Variants in MET observed in about 807,000 individuals in gnomAD.
MET encodes MET proto-oncogene, receptor tyrosine kinase.
In MET, 48 loss-of-function variants were observed where a neutral mutation model predicts 133.1. That is an observed-to-expected ratio of 0.36 (90% CI 0.29 to 0.46). The LOEUF is 0.46. MET is among the 20% of genes least tolerant of loss of function. The pLI is 1.00. For missense variants in MET, 1,442 were observed against 1,695.9 expected (o/e 0.85, Z 2.63); for synonymous variants, 628 against 616.5 (o/e 1.02, Z -0.28).
rs1203610182 is a variant in MET, at chr7:116,774,890, C to G, written c.3038C>G (p.Pro1013Arg). ...YRATFPEDQF[P>R]NSSQNGSCRQ... Reference sequence around the variant, plus strand: ...TTCCTTCATCTTACAGATCAGTTTCCTAATTCATCTCAGAACGGTTCATGC... The same window carrying G: ...TTCCTTCATCTTACAGATCAGTTTCGTAATTCATCTCAGAACGGTTCATGC... Residue 1013 changes from proline (P) to arginine (R), a missense_variant, in exon 15 of 21, where the codon CCT becomes CGT. This residue lies in a region of MET where 514 missense variants were observed against 659.6 expected (regional missense o/e 0.78). Coordinates refer to ENST00000397752, the MANE Select transcript of MET (RefSeq NM_000245.4). 1.2e-6 allele frequency: 2 copies of G among 1,613,890 alleles called. No individual in the cohort carries two copies. Among genetic ancestry groups the G allele is most frequent in the South Asian group, 1.1e-5 (1 of 91,074 alleles).
intron 2 of MET, among the ~76,000 whole-genome samples, chr7:116,715,157 C>T (rs1256720573): frequency 6.6e-6 from 1 of 152,216 alleles, no homozygotes; most frequent in African/African-American, 2.4e-5. Context: ...CAGTCTGTCA[C>T]ATGGTATGGT....
intron 5 of MET, among the ~76,000 whole-genome samples, chr7:116,743,917 A>G (rs1793558672): frequency 6.6e-6 from 1 of 152,214 alleles, no homozygotes; most frequent in Non-Finnish European, 1.5e-5. Context: ...GACCTCCAGC[A>G]AACTCCAGAA....
chr7:116,736,631 C>G (rs1219794645), intron 3 of MET, among the ~76,000 whole-genome samples: 1 of 152,138 alleles, frequency 6.6e-6, no homozygotes, highest in Admixed American at 6.5e-5. Context: ...TGTATTTCTT[C>G]CCCATGTCCT....
chr7:116,716,491 AAGAAAG>A (rs1469731536), intron 2 of MET, among the ~76,000 whole-genome samples: 5 of 145,746 alleles, frequency 3.4e-5, no homozygotes, highest in Admixed American at 3.4e-4. Context: ...GAAAGAAAGA[AAGAAAG>A]AAAGAAAGAA....
intron 1 of MET, among the ~76,000 whole-genome samples, chr7:116,692,283 C>A (rs1330883296): frequency 1.3e-5 from 2 of 152,134 alleles, no homozygotes; most frequent in African/African-American, 2.4e-5. Context: ...CTATAAAGTG[C>A]TATCTACATA....
At chr7:116,754,886 AGAAAGAG>A (rs1794069144) in intron 5 of MET, among the ~76,000 whole-genome samples, 1 of 119,126 alleles carries the variant, frequency 8.4e-6, no homozygotes, top group Non-Finnish European at 1.7e-5. Context: ...AGAGAGAGAG[AGAAAGAG>A]AGAAAGAAAG....
intron 1 of MET, among the ~76,000 whole-genome samples, 164 bp from the exon 2 acceptor site, chr7:116,698,907 G>A (rs969034216): frequency 5.9e-5 from 9 of 152,136 alleles, no homozygotes; most frequent in Admixed American, 1.3e-4. Context: ...ATGTCCAACC[G>A]CACAATGCAT....
At chr7:116,779,820 A>G (rs957096455) in intron 17 of MET, among the ~76,000 whole-genome samples, 2 of 152,204 alleles carry the variant, frequency 1.3e-5, no homozygotes, top group Non-Finnish European at 2.9e-5. Flanking sequence ...ACATTGTGAA[A>G]ATTAATTTCA....
chr7:116,690,309 A>G (rs1446128287), intron 1 of MET, among the ~76,000 whole-genome samples: 2 of 152,174 alleles, frequency 1.3e-5, no homozygotes, highest in African/African-American at 2.4e-5. Flanking sequence ...CGTTTTGAAT[A>G]TAAGAAACTG....
At chr7:116,773,846 T>C (rs190987423) in intron 14 of MET, among the ~76,000 whole-genome samples, 57 of 152,340 alleles carry the variant, frequency 3.7e-4, no homozygotes, top group African/African-American at 1.4e-3. Context: ...CAAGTGGGAT[T>C]AGGAATAGTC....
chr7:116,768,055 G>T (rs1351650393), intron 11 of MET, among the ~76,000 whole-genome samples: 3 of 147,108 alleles, frequency 2.0e-5, no homozygotes, highest in Non-Finnish European at 1.5e-5. Flanking sequence ...ACTGATAGTA[G>T]TTGCTTATAT....
In MET at chr7:116,699,470, A is replaced by C. The variant is rs1791478036; in HGVS notation, c.386A>C (p.Gln129Pro). The change falls in exon 2 of 21, where the codon CAA becomes CCA. Residue 129 changes from glutamine (Q) to proline (P), a missense_variant. This residue lies in a region of MET where 762 missense variants were observed against 792.4 expected (regional missense o/e 0.96). Transcript: ENST00000397752. ...ALVVDTYYDD[Q>P]LISCGSVNRG... is the part of the protein sequence containing the mutation. Reference sequence around the variant, plus strand: ...GTTGTCGACACCTACTATGATGATCAACTCATTAGCTGTGGCAGCGTCAAC... The same window carrying C: ...GTTGTCGACACCTACTATGATGATCCACTCATTAGCTGTGGCAGCGTCAAC... The C allele has an allele frequency of 6.2e-7, 1 of 1,614,048 alleles. No homozygotes were observed. Among genetic ancestry groups the C allele is most frequent in the South Asian group, 1.1e-5 (1 of 91,082 alleles).
chr7:116,678,927 GT>G (rs1796254034), intron 1 of MET, among the ~76,000 whole-genome samples: 1 of 152,130 alleles, frequency 6.6e-6, no homozygotes, highest in Non-Finnish European at 1.5e-5. Context: ...AAAATAGGAA[GT>G]TGGTTTTTGC....
intron 3 of MET, among the ~76,000 whole-genome samples, chr7:116,739,472 A>G (rs1351935080): frequency 6.6e-6 from 1 of 152,220 alleles, no homozygotes; most frequent in Non-Finnish European, 1.5e-5. Context: ...AATGTGGCTT[A>G]AGAGTAGCAC....
intron 14 of MET, 144 bp downstream of exon 14, chr7:116,772,133 C>A: frequency 1.2e-6 from 1 of 844,432 alleles, no homozygotes; most frequent in Non-Finnish European, 1.8e-6. Flanking sequence ...GTATTTGACA[C>A]AAAATTACAT....
intron 1 of MET, among the ~76,000 whole-genome samples, chr7:116,685,098 G>A (rs1259672070): frequency 6.6e-6 from 1 of 152,118 alleles, no homozygotes; most frequent in Non-Finnish European, 1.5e-5. Flanking sequence ...AGGTTTTGTG[G>A]GAGTAGATGG....
chr7:116,738,174 TTTTG>T (rs974931830), intron 3 of MET, among the ~76,000 whole-genome samples: 1 of 147,020 alleles, frequency 6.8e-6, no homozygotes, highest in Non-Finnish European at 1.5e-5. Flanking sequence ...GCTTTTGTGT[TTTTG>T]TTTTTGTTTT....
At chr7:116,782,902 T>C (rs1308210171) in intron 18 of MET, among the ~76,000 whole-genome samples, 9 of 152,252 alleles carry the variant, frequency 5.9e-5, no homozygotes, top group African/African-American at 2.2e-4. Flanking sequence ...CAGTCCCCTG[T>C]CATGCTCTCC....
Position 116,708,733 on chromosome 7 carries a change from T to C in MET, c.1200+8449T>C, listed in dbSNP as rs1054338312. On this transcript the variant is annotated intron_variant, in intron 2 of 20. Transcript: ENST00000397752. ...TCTTTGAAAATCACTGTTTCTTACA[T>C]AGGCCAGGTTGTTTCTTCCTTGTTT... is the stretch of plus-strand genomic sequence containing the variant. 5.9e-5 allele frequency among the ~76,000 whole-genome samples: 9 copies of C among 152,276 alleles called. No homozygotes were observed. In the East Asian group the frequency reaches 1.4e-3, roughly 23 times the overall value.
Sources: allele counts gnomAD v4.1 joint callset (sites outside exome capture counted in the v4.1 genomes callset), GRCh38; gene constraint gnomAD v4.1.1; regional missense constraint gnomAD v4.1.1; transcripts MANE v1.5; gene names NCBI Gene and HGNC (gene_info 2026-07-23, HGNC 2026-07-21).